Variants in NTMT1 observed in about 807,000 individuals in gnomAD.
NTMT1 encodes N-terminal RCC1 methyltransferase.
NTMT1 carries 8 observed loss-of-function variants against 17.5 expected under a neutral mutation model. The observed-to-expected ratio is 0.46, with a 90% confidence interval of 0.27 to 0.82. NTMT1 has a LOEUF of 0.82. NTMT1 is among the 40% of genes least tolerant of loss of function. NTMT1 has a pLI of 0.15. For synonymous variants in NTMT1, 128 were observed against 126.8 expected, an observed-to-expected ratio of 1.01 and a Z score of -0.06; for missense variants, 221 against 303.5, an observed-to-expected ratio of 0.73 and a Z score of 2.02.
upstream of NTMT1, among the ~76,000 whole-genome samples, chr9:129,624,783 C>A (rs1057509444): frequency 6.6e-6 from 1 of 152,174 alleles, no homozygotes; most frequent in Non-Finnish European, 1.5e-5. Context: ...CATGCACCAC[C>A]ATCCCTGGCT....
rs751928422 is a variant in NTMT1, at chr9:129,619,782, C to G, written c.-55+10604C>G. On this transcript the variant is annotated intron_variant, in intron 1 of 3. Transcript: ENST00000372486. ...TGAACAGTTGGGACACCGCGGAGACCCTGGGCAGTGCTCTAATACACCCCT... is the reference window on the plus strand; with the variant it reads ...TGAACAGTTGGGACACCGCGGAGACGCTGGGCAGTGCTCTAATACACCCCT... 5.0e-6 allele frequency: 8 copies of G among 1,614,058 alleles called. No individual in the cohort carries two copies. In the Admixed American group the frequency reaches 1.3e-4, roughly 27 times the overall value.
At chr9:129,628,871 T>C (rs1265343518) in intron 1 of NTMT1, among the ~76,000 whole-genome samples, 5 of 152,222 alleles carry the variant, frequency 3.3e-5, no homozygotes, top group Non-Finnish European at 5.9e-5. Context: ...GAGAGAGAAC[T>C]GAATACAAAA....
At chr9:129,630,883 G>A (rs996522495) in intron 1 of NTMT1, among the ~76,000 whole-genome samples, 1 of 152,236 alleles carries the variant, frequency 6.6e-6, no homozygotes, top group Non-Finnish European at 1.5e-5. Context: ...CACTGTTGCT[G>A]TGTGTCCTCA....
rs1036076480 is a variant in NTMT1, at chr9:129,614,881, G to A, written c.-55+5703G>A. On this transcript the variant is annotated intron_variant, in intron 1 of 3. Transcript: ENST00000372486. This position sits in a 1 kb window ranked among gnomAD's most constrained non-coding sequence, Gnocchi z 4.4. Reference sequence around the variant, plus strand: ...CGCGCCACTGCACTCCAGCCTGGGCGACAGAGTGAGACTCCGTATCAGAAA... The same window carrying A: ...CGCGCCACTGCACTCCAGCCTGGGCAACAGAGTGAGACTCCGTATCAGAAA... 1.3e-5 allele frequency among the ~76,000 whole-genome samples: 2 copies of A among 151,980 alleles called. No homozygotes were observed. Among genetic ancestry groups the A allele is most frequent in the East Asian group, 1.9e-4 (1 of 5,186 alleles).
At chr9:129,623,768 C>T (rs1359313670), upstream of NTMT1, among the ~76,000 whole-genome samples, 2 of 148,170 alleles carry the variant, frequency 1.3e-5, no homozygotes, top group African/African-American at 2.5e-5. Context: ...GGGTATGTGT[C>T]TTTTTTAATG....
In NTMT1 at chr9:129,614,355, G is replaced by C. The variant is rs995905971; in HGVS notation, c.-55+5177G>C. Among the ~76,000 whole-genome samples the C allele has an allele frequency of 6.6e-6, 1 of 152,198 alleles. No individual in the cohort carries two copies. The highest frequency in any genetic ancestry group is 1.5e-5 in the Non-Finnish European group (1 of 68,038). ...CTGTCACGCTAAGGAGGCTGCGTCAGATCCCTCCCAAATCAGCGAAGGTCC... is the reference window on the plus strand; with the variant it reads ...CTGTCACGCTAAGGAGGCTGCGTCACATCCCTCCCAAATCAGCGAAGGTCC... On this transcript the variant is annotated intron_variant, in intron 1 of 3. Transcript: ENST00000372486. This position sits in a 1 kb window ranked among gnomAD's most constrained non-coding sequence, Gnocchi z 4.4.
At chr9:129,628,262 G>A (rs538565364) in intron 1 of NTMT1, among the ~76,000 whole-genome samples, 1 of 152,218 alleles carries the variant, frequency 6.6e-6, no homozygotes, top group Non-Finnish European at 1.5e-5. Context: ...GAGGCAAAAT[G>A]TAGCCAGGAC....
chr9:129,634,276 TACG>T lies in NTMT1; in HGVS notation c.389_391del (p.Asp130del), dbSNP rs1283335122. On this transcript the variant is annotated inframe_deletion, in exon 3 of 4. Transcript: ENST00000372483. Reference sequence around the variant, plus strand: ...GGACTTCACCCCGGAGCCGGACTCTTACGACGTGATCTGGATCCAGTGGGTGAT... The same window carrying T: ...GGACTTCACCCCGGAGCCGGACTCTTACGTGATCTGGATCCAGTGGGTGAT... The T allele has an allele frequency of 6.2e-7, 1 of 1,611,154 alleles. No individual in the cohort carries two copies. The highest frequency in any genetic ancestry group is 1.7e-5 in the Admixed American group (1 of 59,872).
At chr9:129,617,028 C>T (rs1447400677) in intron 1 of NTMT1, among the ~76,000 whole-genome samples, 2 of 151,956 alleles carry the variant, frequency 1.3e-5, no homozygotes, top group African/African-American at 4.8e-5. Context: ...GATCGTGCCA[C>T]TGCACTCCAG....
At chr9:129,619,895 TC>T in intron 1 of NTMT1, 1 of 1,563,154 alleles carries the variant, frequency 6.4e-7, no homozygotes, top group Admixed American at 1.7e-5. Context: ...TCATGTGGCC[TC>T]GGGGTGATGG....
upstream of NTMT1, among the ~76,000 whole-genome samples, chr9:129,623,263 G>A (rs1452525092): frequency 6.6e-6 from 1 of 151,652 alleles, no homozygotes; most frequent in Non-Finnish European, 1.5e-5. Context: ...AACCCAGGAG[G>A]CGGAGCTTGC....
In NTMT1 at chr9:129,620,319, C is replaced by A. The variant is rs1455476972; in HGVS notation, c.-55+11141C>A. 3 of 1,238,362 alleles carry A rather than the reference C, an allele frequency of 2.4e-6. No homozygotes were observed. Among genetic ancestry groups the A allele is most frequent in the Non-Finnish European group, 3.0e-6 (3 of 989,694 alleles). 76.7% of individuals were successfully genotyped at this position (1,238,362 alleles called of 1,614,324 possible). A position where few individuals can be genotyped will look rare whatever the true frequency, so the allele number is the denominator to read the frequency against. ...CGCTTCCGCACGGCCCGCCGGGTCGCGGTGAGCAAGGCGGGCAGGCGCGGC... is the reference window on the plus strand; with the variant it reads ...CGCTTCCGCACGGCCCGCCGGGTCGAGGTGAGCAAGGCGGGCAGGCGCGGC... On this transcript the variant is annotated intron_variant, in intron 1 of 3. Coordinates refer to the NTMT1 transcript ENST00000372486. The surrounding 1 kb of genome is among the most constrained non-coding windows in gnomAD (Gnocchi z 5.8).
chr9:129,626,820 C>T (rs1830922711), intron 1 of NTMT1, among the ~76,000 whole-genome samples: 2 of 152,334 alleles, frequency 1.3e-5, no homozygotes, highest in African/African-American at 4.8e-5. Flanking sequence ...CCAAGGTCAG[C>T]CTGTCTGCAG....
chr9:129,610,084 G>T (rs1830075361), intron 1 of NTMT1, among the ~76,000 whole-genome samples: 1 of 150,252 alleles, frequency 6.7e-6, no homozygotes, highest in African/African-American at 2.5e-5. Context: ...CGGGACTGAG[G>T]CTTCCGTCCT....
intron 3 of NTMT1, chr9:129,634,649 C>T: frequency 7.8e-6 from 2 of 258,016 alleles, no homozygotes; most frequent in Non-Finnish European, 1.5e-5. Context: ...ATAGTTTAAG[C>T]TTCGTGTCTA....
chr9:129,629,503 A>G (rs1159222424), intron 1 of NTMT1, among the ~76,000 whole-genome samples: 1 of 152,060 alleles, frequency 6.6e-6, no homozygotes, highest in Non-Finnish European at 1.5e-5. Flanking sequence ...TGATCCTCCC[A>G]CCTCAGTCTC....
rs1163384527 is a variant in NTMT1 at position 129,620,253 on chromosome 9, C to CCGA, written c.-55+11077_-55+11079dup. On this transcript the variant is annotated intron_variant, in intron 1 of 3. Transcript: ENST00000372486. This position sits in a 1 kb window ranked among gnomAD's most constrained non-coding sequence, Gnocchi z 5.8. ...GGCGCCGATTCCCGGGACGCGCCGG[C>CCGA]CGACAGCAGGGGAGGCGGCAGCAGG... The CCGA allele has an allele frequency of 3.7e-6, 5 of 1,338,276 alleles. No homozygotes were observed. Among genetic ancestry groups the CCGA allele is most frequent in the Non-Finnish European group, 4.8e-6 (5 of 1,039,080 alleles). The allele number at this position is 1,338,276 out of a possible 1,614,324, so 82.9% of individuals were successfully genotyped here.
chr9:129,629,684 C>G (rs186625761), intron 1 of NTMT1, among the ~76,000 whole-genome samples: 16 of 152,278 alleles, frequency 1.1e-4, no homozygotes, highest in African/African-American at 3.9e-4. Flanking sequence ...AAGGTCCTCC[C>G]CAGCCTGTTA....
chr9:129,612,037 A>C (rs770005660), intron 1 of NTMT1, among the ~76,000 whole-genome samples: 1 of 152,006 alleles, frequency 6.6e-6, no homozygotes, highest in Non-Finnish European at 1.5e-5. Flanking sequence ...GGCATGGACC[A>C]TTGTGCCCAG....
Sources: gnomAD v4.1 joint callset for allele counts (sites outside exome capture counted in the v4.1 genomes callset) on GRCh38, gnomAD v4.1.1 for gene constraint, Gnocchi (gnomAD v3.1) non-coding constraint, MANE v1.5 for transcripts, NCBI Gene and HGNC (gene_info 2026-07-23, HGNC 2026-07-21) for gene names.